Variants in MAPK10 observed in about 807,000 individuals in gnomAD.
MAPK10 encodes mitogen-activated protein kinase 10, also known as JNK3 alpha protein kinase.
Under a neutral mutation model 59.3 loss-of-function variants are expected in MAPK10, and 25 were observed. The observed-to-expected ratio is 0.42, with a 90% CI of 0.31 to 0.59. The LOEUF is 0.59. Among genes scored for constraint, MAPK10 ranks in the 20% least tolerant of loss-of-function variants. The pLI, the probability that MAPK10 is intolerant of heterozygous loss-of-function variation, is 0.15. For synonymous variants in MAPK10, 190 were observed against 200.5 expected, an observed-to-expected ratio of 0.95 and a Z score of 0.44; for missense variants, 351 against 568.9, an observed-to-expected ratio of 0.62 and a Z score of 3.90.
intron 1 of MAPK10, among the ~76,000 whole-genome samples, chr4:86,431,962 T>C (rs533251497): frequency 1.3e-5 from 2 of 152,328 alleles, no homozygotes; most frequent in South Asian, 2.1e-4. Context: ...AACCACTTCA[T>C]GGACAGCGGT....
chr4:86,368,539 T>G (rs1738263269), intron 1 of MAPK10, among the ~76,000 whole-genome samples: 1 of 152,178 alleles, frequency 6.6e-6, no homozygotes, highest in African/African-American at 2.4e-5. Context: ...GTAGATAAAT[T>G]GGTCTCCTGA....
chr4:86,564,454 T>C (rs764924051), intron 1 of MAPK10, among the ~76,000 whole-genome samples: 4 of 152,196 alleles, frequency 2.6e-5, no homozygotes, highest in East Asian at 3.9e-4. Context: ...TGCTTCCTCA[T>C]TGACATCTTT....
At chr4:86,081,238 A>T (rs1282061550) in intron 9 of MAPK10, 1 of 152,086 alleles carries the variant, frequency 6.6e-6, no homozygotes. Flanking sequence ...ACACAAAAAA[A>T]TCAATTCCAT....
At chr4:86,070,995 T>G (rs1334647084) in intron 9 of MAPK10, among the ~76,000 whole-genome samples, 13 of 152,046 alleles carry the variant, frequency 8.6e-5, no homozygotes, top group Non-Finnish European at 1.3e-4. Flanking sequence ...TGAACCAGTT[T>G]ACAGTCCCAC....
intron 3 of MAPK10, among the ~76,000 whole-genome samples, chr4:86,177,376 T>C (rs1057315045): frequency 1.3e-5 from 2 of 152,158 alleles, no homozygotes; most frequent in East Asian, 1.9e-4. Context: ...TCTTTTTCTT[T>C]GTTGCTTTAC....
chr4:86,065,976 G>T (rs1448394189), intron 10 of MAPK10, among the ~76,000 whole-genome samples: 1 of 152,020 alleles, frequency 6.6e-6, no homozygotes, highest in Non-Finnish European at 1.5e-5. Context: ...AACCCCACTA[G>T]CTAGAGGCAA....
At chr4:86,089,484 TAAC>T (rs139887286) in intron 9 of MAPK10, 199,518 of 488,484 alleles carry the variant, frequency 0.41, 42,825 homozygotes, top group African/African-American at 0.55. Context: ...ATAACAGAAA[TAAC>T]AACACTACCC....
At chr4:86,550,374 TAAAAAA>T (rs753508493) in intron 1 of MAPK10, among the ~76,000 whole-genome samples, 3,308 of 76,566 alleles carry the variant, frequency 0.043, 74 homozygotes, top group Non-Finnish European at 0.057. Context: ...GAGCTTCAGT[TAAAAAA>T]AAAAAAAAAA....
intron 2 of MAPK10, among the ~76,000 whole-genome samples, chr4:86,300,221 G>T (rs1271213866): frequency 6.6e-6 from 1 of 152,070 alleles, no homozygotes; most frequent in African/African-American, 2.4e-5. Flanking sequence ...AGGTTCTAAG[G>T]ATTCATTAGT....
intron 1 of MAPK10, among the ~76,000 whole-genome samples, chr4:86,416,387 C>T (rs1745867023): frequency 6.6e-6 from 1 of 152,228 alleles, no homozygotes; most frequent in Non-Finnish European, 1.5e-5. Flanking sequence ...ACACAAGAAC[C>T]CTCATGAGGT....
chr4:86,238,405 G>A lies in MAPK10; in HGVS notation c.-6-43998C>T, dbSNP rs1333527739. On this transcript the variant is annotated intron_variant, in intron 2 of 13. Coordinates refer to ENST00000641462, the MANE Select transcript of MAPK10 (RefSeq NM_138982.4). Reference sequence around the variant, plus strand: ...GAAGAATGTCAAAGGTAGTTTGATGGGAATAGCATTGAATCTATAAATTAC... The same window carrying A: ...GAAGAATGTCAAAGGTAGTTTGATGAGAATAGCATTGAATCTATAAATTAC... Among the ~76,000 whole-genome samples, 384 of 152,210 alleles carry A rather than the reference G, an allele frequency of 2.5e-3. 1 individual carries two copies. Among genetic ancestry groups the A allele is most frequent in the Admixed American group, 5.1e-3 (78 of 15,286 alleles).
chr4:86,347,439 A>G (rs1728847769), intron 2 of MAPK10, among the ~76,000 whole-genome samples: 1 of 152,152 alleles, frequency 6.6e-6, no homozygotes, highest in South Asian at 2.1e-4. Context: ...TCTGGCATCA[A>G]ATTACTTGGG....
chr4:86,377,006 C>T, intron 1 of MAPK10, among the ~76,000 whole-genome samples: 1 of 152,172 alleles, frequency 6.6e-6, no homozygotes, highest in East Asian at 1.9e-4. Context: ...AATGGCTTTA[C>T]AAGCAGGCAG....
intron 1 of MAPK10, among the ~76,000 whole-genome samples, chr4:86,461,521 C>T (rs1208010291): frequency 6.6e-6 from 1 of 152,058 alleles, no homozygotes; most frequent in Non-Finnish European, 1.5e-5. Flanking sequence ...TTAAGCAATC[C>T]CCATGGTGAG....
At chr4:86,515,049 C>T (rs971979074) in intron 1 of MAPK10, among the ~76,000 whole-genome samples, 2 of 152,098 alleles carry the variant, frequency 1.3e-5, no homozygotes, top group Non-Finnish European at 2.9e-5. Flanking sequence ...CATACTTATG[C>T]CATTGCATCC....
At chr4:86,349,221 ACT>A (rs555585043) in intron 2 of MAPK10, among the ~76,000 whole-genome samples, 4 of 152,158 alleles carry the variant, frequency 2.6e-5, no homozygotes, top group Non-Finnish European at 5.9e-5. Context: ...AAGATTATGG[ACT>A]CTCTGCCAGG....
At chr4:86,286,161 A>G (rs1054809716) in intron 2 of MAPK10, among the ~76,000 whole-genome samples, 14 of 152,210 alleles carry the variant, frequency 9.2e-5, no homozygotes, top group Non-Finnish European at 2.1e-4. Flanking sequence ...ATGTATTTTT[A>G]AAGAAATGTG....
chr4:86,539,519 T>G (rs138494886), intron 1 of MAPK10, among the ~76,000 whole-genome samples: 23 of 152,194 alleles, frequency 1.5e-4, no homozygotes, highest in African/African-American at 5.1e-4. Flanking sequence ...TCCAAAAGCA[T>G]TAGAGGTCTT....
chr4:86,293,473 C>T (rs2095279864), intron 2 of MAPK10, among the ~76,000 whole-genome samples: 1 of 152,292 alleles, frequency 6.6e-6, no homozygotes, highest in South Asian at 2.1e-4. Context: ...ACTAGTAACC[C>T]TGCTTATACC....
Sources: gnomAD v4.1 joint callset for allele counts (sites outside exome capture counted in the v4.1 genomes callset) on GRCh38, gnomAD v4.1.1 for gene constraint, MANE v1.5 for transcripts, NCBI Gene and HGNC (gene_info 2026-07-23, HGNC 2026-07-21) for gene names.